MTHFD2L: variants seen among roughly 807,000 people sequenced by gnomAD.
MTHFD2L encodes methylenetetrahydrofolate dehydrogenase (NADP+ dependent) 2 like, also known as bifunctional methylenetetrahydrofolate dehydrogenase/cyclohydrolase 2, mitochondrial.
MTHFD2L carries 29 observed loss-of-function variants against 34.9 expected under a neutral mutation model. That is an observed-to-expected ratio of 0.83 (90% confidence interval 0.62 to 1.13). The LOEUF (loss-of-function observed/expected upper bound fraction) is 1.13, where lower values mean the gene tolerates loss of function less well. Ranked by LOEUF, MTHFD2L falls within the 50% of genes most tolerant of loss-of-function variation. The pLI, the probability that MTHFD2L is intolerant of heterozygous loss-of-function variation, is 0.00. For missense variants in MTHFD2L, 481 were observed against 446.5 expected (o/e 1.08, Z -0.70); for synonymous variants, 167 against 155.7 (o/e 1.07, Z -0.54).
At chr4:74,248,916 T>G in intron 6 of MTHFD2L, among the ~76,000 whole-genome samples, 1 of 150,380 alleles carries the variant, frequency 6.6e-6, no homozygotes, top group East Asian at 2.0e-4. Context: ...TGGTCAATTT[T>G]GGAATAGGTG....
chr4:74,290,536 A>G (rs2110304951), intron 7 of MTHFD2L, among the ~76,000 whole-genome samples: 1 of 152,278 alleles, frequency 6.6e-6, no homozygotes, highest in East Asian at 1.9e-4. Flanking sequence ...GATTGTGATA[A>G]TAATTTCCAT....
At chr4:74,193,750 G>A (rs972766687) in intron 3 of MTHFD2L, among the ~76,000 whole-genome samples, 1 of 151,982 alleles carries the variant, frequency 6.6e-6, no homozygotes, top group Non-Finnish European at 1.5e-5. Context: ...GAATTCAATT[G>A]TTTTCTTATA....
chr4:74,165,273 A>G (rs2109916178), intron 1 of MTHFD2L, among the ~76,000 whole-genome samples: 2 of 152,350 alleles, frequency 1.3e-5, no homozygotes, highest in South Asian at 4.1e-4. Context: ...CCTGGTGCAT[A>G]TTCACATGCT....
At chr4:74,172,253 T>C (rs1412548835) in intron 1 of MTHFD2L, among the ~76,000 whole-genome samples, 2 of 152,158 alleles carry the variant, frequency 1.3e-5, no homozygotes, top group Non-Finnish European at 2.9e-5. Flanking sequence ...ACATGTTCAT[T>C]TTCTTGACTA....
chr4:74,206,220 T>C lies in MTHFD2L; in HGVS notation c.712+4850T>C, dbSNP rs367980414. Among the ~76,000 whole-genome samples the C allele has an allele frequency of 7.2e-5, 11 of 151,878 alleles. No individual in the cohort carries two copies. In the East Asian group the frequency reaches 1.5e-3, roughly 21 times the overall value. On this transcript the variant is annotated intron_variant, in intron 5 of 7. Coordinates refer to ENST00000325278, the MANE Select transcript of MTHFD2L (RefSeq NM_001144978.3). ...CAGGGTGGTGGTGGAAGGCAGAGGT[T>C]TAAAAAGGGAAAACTTGATAAAGAA...
intron 1 of MTHFD2L, among the ~76,000 whole-genome samples, chr4:74,129,614 G>A (rs1286250214): frequency 6.6e-6 from 1 of 152,134 alleles, no homozygotes; most frequent in Admixed American, 6.6e-5. Context: ...AGCACTAAAT[G>A]CCCACAGGAG....
intron 1 of MTHFD2L, among the ~76,000 whole-genome samples, chr4:74,141,489 T>C (rs538254575): frequency 1.5e-4 from 23 of 152,336 alleles, no homozygotes; most frequent in Middle Eastern, 3.4e-3. Context: ...CACAGTGACA[T>C]AGCCTTAGTT....
chr4:74,192,379 T>A, intron 3 of MTHFD2L, among the ~76,000 whole-genome samples: 1 of 152,202 alleles, frequency 6.6e-6, no homozygotes, highest in Non-Finnish European at 1.5e-5. Context: ...TTTTGTCACA[T>A]ACCTATCCAT....
At chr4:74,177,734 A>C (rs1190576408) in intron 3 of MTHFD2L, among the ~76,000 whole-genome samples, 1 of 151,966 alleles carries the variant, frequency 6.6e-6, no homozygotes, top group African/African-American at 2.4e-5. Flanking sequence ...TGATCAAAAA[A>C]TTCCATTTCT....
chr4:74,214,059 A>C lies in MTHFD2L; in HGVS notation c.713-11243A>C, dbSNP rs141018222. On this transcript the variant is annotated intron_variant, in intron 5 of 7. Transcript: ENST00000325278. Reference sequence around the variant, plus strand: ...TCGTGCTGTGTTTTTCAGCTCCATCAGGTCATTTATGTTTGTCTCTAAACT... The same window carrying C: ...TCGTGCTGTGTTTTTCAGCTCCATCCGGTCATTTATGTTTGTCTCTAAACT... 8.8e-3 allele frequency among the ~76,000 whole-genome samples: 1,336 copies of C among 151,848 alleles called. 51 individuals carry two copies. Among genetic ancestry groups the C allele is most frequent in the African/African-American group, 0.031 (1,289 of 41,160 alleles).
At chr4:74,143,467 G>A (rs1444079422) in intron 1 of MTHFD2L, 2 of 984,694 alleles carry the variant, frequency 2.0e-6, no homozygotes, top group African/African-American at 1.7e-5. Context: ...GGTCCTAGAG[G>A]GTATGTGGAA....
At chr4:74,300,997 A>G (rs1750239743) in intron 7 of MTHFD2L, among the ~76,000 whole-genome samples, 1 of 152,128 alleles carries the variant, frequency 6.6e-6, no homozygotes, top group African/African-American at 2.4e-5. Flanking sequence ...ACTACTCAGC[A>G]TCTTGAGAAG....
chr4:74,184,125 A>G (rs1051655547), intron 3 of MTHFD2L, among the ~76,000 whole-genome samples: 1 of 152,206 alleles, frequency 6.6e-6, no homozygotes, highest in Non-Finnish European at 1.5e-5. Context: ...ATGATCACAG[A>G]TATTCAGTTA....
chr4:74,253,086 T>C (rs1743533983), intron 6 of MTHFD2L, among the ~76,000 whole-genome samples: 1 of 152,076 alleles, frequency 6.6e-6, no homozygotes, highest in Non-Finnish European at 1.5e-5. Flanking sequence ...GGAAAAAAAT[T>C]AATTTAGAAT....
At chr4:74,211,704 G>T (rs1270300322) in intron 5 of MTHFD2L, among the ~76,000 whole-genome samples, 2 of 152,244 alleles carry the variant, frequency 1.3e-5, no homozygotes, top group African/African-American at 4.8e-5. Context: ...CTCATAAAAT[G>T]AGTTAAGGGG....
intron 2 of MTHFD2L, among the ~76,000 whole-genome samples, chr4:74,115,776 T>C (rs1207838163): frequency 6.6e-6 from 1 of 152,212 alleles, no homozygotes; most frequent in Non-Finnish European, 1.5e-5. Context: ...ATTACATTTA[T>C]CAATAAAAAT....
In MTHFD2L at chr4:74,201,332, T is replaced by C; in HGVS notation, c.674T>C (p.Met225Thr). Reference sequence around the variant, plus strand: ...AAGAACGTAGGGATGCCTATTGCCATGCTTTTACACACTGATGGAGAGCAT... The same window carrying C: ...AAGAACGTAGGGATGCCTATTGCCACGCTTTTACACACTGATGGAGAGCAT... ...RSKNVGMPIA[M>T]LLHTDGEHER... The change falls in exon 5 of 8, where the codon ATG (methionine) becomes ACG (threonine). Residue 225 changes from methionine (M) to threonine (T), a missense_variant. Coordinates refer to ENST00000325278, the MANE Select transcript of MTHFD2L (RefSeq NM_001144978.3). 1 of 1,613,920 alleles carries C rather than the reference T, an allele frequency of 6.2e-7. No individual in the cohort carries two copies. Among genetic ancestry groups the C allele is most frequent in the Non-Finnish European group, 8.5e-7 (1 of 1,179,884 alleles).
At chr4:74,289,649 T>G (rs1204376288) in intron 7 of MTHFD2L, among the ~76,000 whole-genome samples, 1 of 152,180 alleles carries the variant, frequency 6.6e-6, no homozygotes, top group African/African-American at 2.4e-5. Flanking sequence ...AAGAGGCTAT[T>G]GTAATTATCC....
intron 6 of MTHFD2L, among the ~76,000 whole-genome samples, chr4:74,230,132 C>T (rs972900259): frequency 3.9e-5 from 6 of 152,252 alleles, no homozygotes; most frequent in East Asian, 1.9e-4. Flanking sequence ...GTTGGATTTA[C>T]ACACTGTAGC....
Sources: allele counts gnomAD v4.1 joint callset (sites outside exome capture counted in the v4.1 genomes callset), GRCh38; gene constraint gnomAD v4.1.1; transcripts MANE v1.5; gene names NCBI Gene and HGNC (gene_info 2026-07-23, HGNC 2026-07-21).